Variants in CELF4 observed in about 807,000 individuals in gnomAD.
The protein encoded by CELF4 is CUG-BP- and ETR-3-like factor 4.
CELF4 carries 18 observed loss-of-function variants against 59.9 expected under a neutral mutation model. The ratio of observed to expected loss-of-function variants is 0.30; its 90% CI spans 0.21 to 0.45. The LOEUF (loss-of-function observed/expected upper bound fraction) is 0.45, where lower values mean the gene tolerates loss of function less well. Ranked by LOEUF, CELF4 falls within the 20% of genes least tolerant of loss-of-function variation. The pLI is 1.00. For missense variants in CELF4, 456 were observed against 689.0 expected, an observed-to-expected ratio of 0.66 and a Z score of 3.79; for synonymous variants, 261 against 267.1, an observed-to-expected ratio of 0.98 and a Z score of 0.22.
At chr18:37,561,497 T>C (rs1568380313) in intron 1 of CELF4, among the ~76,000 whole-genome samples, 6 of 152,216 alleles carry the variant, frequency 3.9e-5, no homozygotes, top group Admixed American at 3.9e-4. Flanking sequence ...CAGAGAGCAC[T>C]AGTCTTTATA....
In CELF4 at chr18:37,254,174, C is replaced by T. The variant is rs1165541173; in HGVS notation, c.1334-236G>A. Among the ~76,000 whole-genome samples the T allele has an allele frequency of 1.3e-5, 2 of 151,030 alleles. No homozygotes were observed. The highest frequency in any genetic ancestry group is 2.0e-4 in the East Asian group (1 of 5,098). On this transcript the variant is annotated intron_variant, in intron 11 of 12. Transcript: ENST00000420428. This position sits in a 1 kb window ranked among gnomAD's most constrained non-coding sequence, Gnocchi z 5.1. ...CGCTGACCTGCGCCTAGTCTCTGGCCGCGTCACTCGCCCGGCGCCCGCTCC... is the reference window on the plus strand; with the variant it reads ...CGCTGACCTGCGCCTAGTCTCTGGCTGCGTCACTCGCCCGGCGCCCGCTCC...
At chr18:37,348,003 G>T (rs1045915203) in intron 2 of CELF4, among the ~76,000 whole-genome samples, 3 of 152,162 alleles carry the variant, frequency 2.0e-5, no homozygotes, top group African/African-American at 4.8e-5. Flanking sequence ...ACACAAGCAG[G>T]TGGTTATGGG....
chr18:37,430,059 G>A (rs1342528162), intron 2 of CELF4, among the ~76,000 whole-genome samples: 3 of 152,204 alleles, frequency 2.0e-5, no homozygotes, highest in Admixed American at 6.5e-5. Flanking sequence ...TAGGAACAGT[G>A]CGGCTCTCAC....
At chr18:37,406,870 A>G (rs921160378) in intron 2 of CELF4, among the ~76,000 whole-genome samples, 1 of 151,788 alleles carries the variant, frequency 6.6e-6, no homozygotes, top group Non-Finnish European at 1.5e-5. Flanking sequence ...GAAGTGGGGG[A>G]ATGGGGAAAG....
intron 2 of CELF4, among the ~76,000 whole-genome samples, chr18:37,377,421 A>G (rs534315917): frequency 2.6e-4 from 40 of 152,330 alleles, no homozygotes; most frequent in African/African-American, 9.4e-4. Flanking sequence ...CCCTTCCCAG[A>G]CAAATCCAAC....
chr18:37,286,798 C>A (rs553909029), intron 3 of CELF4, among the ~76,000 whole-genome samples: 6 of 152,210 alleles, frequency 3.9e-5, no homozygotes, highest in African/African-American at 1.4e-4. Flanking sequence ...GAACCTCTAG[C>A]GACCCTGGGT....
intron 2 of CELF4, among the ~76,000 whole-genome samples, chr18:37,439,185 G>C (rs1190801644): frequency 6.6e-6 from 1 of 152,220 alleles, no homozygotes; most frequent in Non-Finnish European, 1.5e-5. Context: ...AGGCAGGCCT[G>C]GCTGCAGTTA....
At chr18:37,456,469 C>T (rs2099778669) in intron 2 of CELF4, among the ~76,000 whole-genome samples, 1 of 152,156 alleles carries the variant, frequency 6.6e-6, no homozygotes, top group Admixed American at 6.5e-5. Context: ...CTGCTCCGTC[C>T]AGCCCTGCAC....
chr18:37,432,292 G>A (rs996935187), intron 2 of CELF4, among the ~76,000 whole-genome samples: 18 of 152,362 alleles, frequency 1.2e-4, no homozygotes, highest in African/African-American at 3.8e-4. Context: ...CCAGAGGCCC[G>A]GAGACTGGTT....
In CELF4 at chr18:37,352,549, C is replaced by T. The variant is rs186982374; in HGVS notation, c.370-30668G>A. Among the ~76,000 whole-genome samples, 3 of 151,772 alleles carry T rather than the reference C, an allele frequency of 2.0e-5. No individual in the cohort carries two copies. In the East Asian group the frequency reaches 5.8e-4, roughly 29 times the overall value. ...TCGAGACTGCAGTGAGCTATGATTG[C>T]ACCATGGCACTCCAACCTGAACCAC... On this transcript the variant is annotated intron_variant, in intron 2 of 12. Transcript: ENST00000420428.
At position 37,311,233 on chromosome 18, in the gene CELF4, G is replaced by A. The variant is rs551499887; in HGVS notation, c.448+10570C>T. 4.7e-4 allele frequency among the ~76,000 whole-genome samples: 72 copies of A among 152,294 alleles called. No individual in the cohort carries two copies. In the South Asian group the frequency reaches 0.015, roughly 31 times the overall value. On this transcript the variant is annotated intron_variant, in intron 3 of 12. Transcript: ENST00000420428. ...ATCTAAAGTCCATTTAAATTCAGCA[G>A]GTTTGCAGTTAATTATATTTTCGCA...
intron 1 of CELF4, among the ~76,000 whole-genome samples, chr18:37,499,180 G>C (rs2099928662): frequency 6.6e-6 from 1 of 152,162 alleles, no homozygotes; most frequent in Admixed American, 6.5e-5. Flanking sequence ...AACGACAGAT[G>C]GTTTGCTTAG....
chr18:37,390,802 C>CGGAGGGGGGGGG (rs139992661), intron 2 of CELF4, among the ~76,000 whole-genome samples: 2 of 57,822 alleles, frequency 3.5e-5, no homozygotes, highest in African/African-American at 9.0e-5. Flanking sequence ...GGTGATGGGG[C>CGGAGGGGGGGGG]GGGGAGGGGG....
intron 3 of CELF4, among the ~76,000 whole-genome samples, chr18:37,289,670 A>G (rs1482870420): frequency 2.0e-5 from 3 of 151,776 alleles, no homozygotes; most frequent in Non-Finnish European, 4.4e-5. Context: ...TCCACTTCTC[A>G]CCACCATGTT....
intron 3 of CELF4, among the ~76,000 whole-genome samples, chr18:37,289,858 A>C (rs2095205293): frequency 6.6e-6 from 1 of 151,972 alleles, no homozygotes; most frequent in Non-Finnish European, 1.5e-5. Context: ...ACAGCCCTGG[A>C]GTTTCATCTT....
intron 2 of CELF4, among the ~76,000 whole-genome samples, chr18:37,389,421 C>A (rs80049033): frequency 1.7e-3 from 259 of 152,286 alleles, no homozygotes; most frequent in Non-Finnish European, 3.2e-3. Flanking sequence ...TTTAATTGAG[C>A]CTTGCACCAC....
At chr18:37,565,122 G>C (rs1418271138) in intron 1 of CELF4, among the ~76,000 whole-genome samples, 1 of 152,064 alleles carries the variant, frequency 6.6e-6, no homozygotes, top group African/African-American at 2.4e-5. Flanking sequence ...GGCGCCCGCT[G>C]CTCTCTCCAT....
At chr18:37,556,794 A>G (rs1173622508) in intron 1 of CELF4, among the ~76,000 whole-genome samples, 2 of 152,212 alleles carry the variant, frequency 1.3e-5, no homozygotes, top group African/African-American at 4.8e-5. Context: ...ACATGGATTA[A>G]TTAGGTGTGA....
chr18:37,525,325 G>A (rs1639661528), intron 1 of CELF4, among the ~76,000 whole-genome samples: 1 of 152,190 alleles, frequency 6.6e-6, no homozygotes, highest in Admixed American at 6.5e-5. Flanking sequence ...CATCTTTAAT[G>A]TGTTGCCTTC....
Sources: gnomAD v4.1 joint callset for allele counts (sites outside exome capture counted in the v4.1 genomes callset) on GRCh38, gnomAD v4.1.1 for gene constraint, Gnocchi (gnomAD v3.1) non-coding constraint, MANE v1.5 for transcripts, NCBI Gene and HGNC (gene_info 2026-07-23, HGNC 2026-07-21) for gene names.